IGSF5: variants seen among roughly 807,000 people sequenced by gnomAD.
IGSF5 encodes immunoglobulin superfamily 5 like.
IGSF5 carries 41 observed loss-of-function variants against 39.4 expected under a neutral mutation model. That is an observed-to-expected ratio of 1.04 (90% CI 0.81 to 1.35). The LOEUF (loss-of-function observed/expected upper bound fraction) is 1.35, where lower values mean the gene tolerates loss of function less well. IGSF5 is among the 40% of genes most tolerant of loss of function. The probability of loss-of-function intolerance (pLI) is 0.00; values close to 1 mark genes in which losing one functional copy is unlikely to be tolerated. For synonymous variants in IGSF5, 183 were observed against 175.3 expected (o/e 1.04, Z -0.34); for missense variants, 487 against 494.6 (o/e 0.98, Z 0.15).
In IGSF5 at chr21:39,765,400, A is replaced by C. The variant is rs112011965; in HGVS notation, c.101-135A>C. ...TCTGCCAGGGAGAGCTGGTGTTCGG[A>C]TTCAAAAGACACAGTCTGAGTCACT... On this transcript the variant is annotated intron_variant, in intron 2 of 8. Transcript: ENST00000380588. The C allele has an allele frequency of 3.8e-4, 281 of 740,464 alleles. No individual in the cohort carries two copies. In the African/African-American group the frequency reaches 4.1e-3, roughly 11 times the overall value. 45.9% of individuals were successfully genotyped at this position (740,464 alleles called of 1,614,324 possible). A position where few individuals can be genotyped will look rare whatever the true frequency, so the allele number is the denominator to read the frequency against.
intron 7 of IGSF5, among the ~76,000 whole-genome samples, chr21:39,792,664 C>T (rs2086972315): frequency 2.0e-5 from 3 of 152,074 alleles, no homozygotes; most frequent in African/African-American, 7.2e-5. Context: ...GATCTCTTCC[C>T]CTTGAATGTA....
chr21:39,738,044 T>C, the IGSF5 span, among the ~76,000 whole-genome samples: 1 of 152,172 alleles, frequency 6.6e-6, no homozygotes, highest in African/African-American at 2.4e-5. The surrounding 1 kb of genome is among the most constrained non-coding windows in gnomAD (Gnocchi z 6.4). Context: ...TGTGTATATA[T>C]CTATGTCATC....
At chr21:39,731,907 A>G in the IGSF5 span, among the ~76,000 whole-genome samples, 1 of 152,232 alleles carries the variant, frequency 6.6e-6, no homozygotes, top group Admixed American at 6.5e-5. Flanking sequence ...AAACTAATAG[A>G]GTGACACTGT....
the IGSF5 span, among the ~76,000 whole-genome samples, chr21:39,739,081 C>G: frequency 6.6e-6 from 1 of 151,786 alleles, no homozygotes. Flanking sequence ...TGGAGACTGC[C>G]GCCACGCCTG....
chr21:39,720,604 T>C, the IGSF5 span, among the ~76,000 whole-genome samples: 1 of 152,188 alleles, frequency 6.6e-6, no homozygotes, highest in Non-Finnish European at 1.5e-5. Flanking sequence ...CCAGAGAAGT[T>C]ACAGCCAAGT....
the IGSF5 span, among the ~76,000 whole-genome samples, chr21:39,731,847 G>A: frequency 6.6e-6 from 1 of 152,174 alleles, no homozygotes; most frequent in Non-Finnish European, 1.5e-5. Context: ...TAATAAATAG[G>A]TATAGTTTTA....
Position 39,779,708 on chromosome 21 carries a change from A to T in IGSF5, c.934+403A>T, listed in dbSNP as rs188477826. On this transcript the variant is annotated intron_variant, in intron 5 of 8. Coordinates refer to ENST00000380588, the MANE Select transcript of IGSF5 (RefSeq NM_001080444.2). ...ATGTGGTATATAGACACAATGGAAC[A>T]CTAGACAGCCTTCAAAAAGAAGAAA... 1.4e-4 allele frequency among the ~76,000 whole-genome samples: 21 copies of T among 152,372 alleles called. No individual in the cohort carries two copies. In the East Asian group the frequency reaches 3.1e-3, roughly 22 times the overall value.
the IGSF5 span, among the ~76,000 whole-genome samples, chr21:39,716,463 C>G: frequency 2.6e-5 from 4 of 151,992 alleles, no homozygotes; most frequent in African/African-American, 4.8e-5. Flanking sequence ...AGCCCAGTAC[C>G]CAATAGTTAT....
chr21:39,789,183 T>TG (rs11406327), intron 6 of IGSF5, among the ~76,000 whole-genome samples: 39,512 of 152,134 alleles, frequency 0.26, 6,532 homozygotes, highest in East Asian at 0.47. Context: ...TCACCATTGT[T>TG]GACTGTGCCA....
chr21:39,794,965 A>G (rs557541670), intron 8 of IGSF5, among the ~76,000 whole-genome samples: 2 of 152,182 alleles, frequency 1.3e-5, no homozygotes, highest in South Asian at 2.1e-4. Context: ...GGGGGAAGGG[A>G]GTGCTGATTG....
chr21:39,728,059 C>T, the IGSF5 span: 1 of 152,160 alleles, frequency 6.6e-6, no homozygotes, highest in Non-Finnish European at 1.5e-5. Flanking sequence ...GTGCCCTTCT[C>T]AGTATGTCTA....
intron 6 of IGSF5, among the ~76,000 whole-genome samples, chr21:39,790,549 T>C (rs891736887): frequency 4.6e-5 from 7 of 152,090 alleles, no homozygotes; most frequent in Non-Finnish European, 1.0e-4. Context: ...TCCCAGATAC[T>C]CAGGAGGCTG....
the IGSF5 span, among the ~76,000 whole-genome samples, chr21:39,733,137 G>A: frequency 6.6e-6 from 1 of 152,098 alleles, no homozygotes; most frequent in South Asian, 2.1e-4. Flanking sequence ...AACCCTCTAT[G>A]CATACATAAA....
chr21:39,763,183 G>A (rs2080069593), intron 2 of IGSF5, among the ~76,000 whole-genome samples: 1 of 152,136 alleles, frequency 6.6e-6, no homozygotes, highest in Non-Finnish European at 1.5e-5. Context: ...GGTTTACTTA[G>A]GGTTTGTTCT....
chr21:39,756,321 A>G (rs1422193506), intron 2 of IGSF5, among the ~76,000 whole-genome samples: 1 of 152,206 alleles, frequency 6.6e-6, no homozygotes, highest in East Asian at 1.9e-4. Context: ...TGTGGGTTTC[A>G]TTCAGTAACT....
rs544034063 is a variant in IGSF5 at position 39,749,369 on chromosome 21, C to T, written c.100+3071C>T. 6.6e-5 allele frequency among the ~76,000 whole-genome samples: 10 copies of T among 152,290 alleles called. 1 individual carries two copies. The highest frequency in any genetic ancestry group is 9.6e-5 in the African/African-American group (4 of 41,560). The stretch of plus-strand genomic sequence containing the variant: ...CTGGAATTACAGGTCCACATCACCA[C>T]GCCCGGCTAATTATTGTATTTTTAG... On this transcript the variant is annotated intron_variant, in intron 2 of 8. Transcript: ENST00000380588.
chr21:39,793,711 C>T, intron 8 of IGSF5, 98 bp downstream of exon 8: 1 of 950,462 alleles, frequency 1.1e-6, no homozygotes, highest in South Asian at 1.5e-5. Flanking sequence ...GTTGTGTATT[C>T]ATGATGGTGG....
chr21:39,773,832 A>G (rs1002003785), intron 4 of IGSF5, among the ~76,000 whole-genome samples: 1 of 152,232 alleles, frequency 6.6e-6, no homozygotes, highest in African/African-American at 2.4e-5. Flanking sequence ...AATAAAATGG[A>G]CTGGTTAAAG....
At chr21:39,790,895 G>A (rs142914500) in intron 6 of IGSF5, among the ~76,000 whole-genome samples, 32 of 152,262 alleles carry the variant, frequency 2.1e-4, no homozygotes, top group African/African-American at 7.5e-4. Flanking sequence ...ACAACTATTT[G>A]CATAGCATTT....
Sources: gnomAD v4.1 joint callset for allele counts (sites outside exome capture counted in the v4.1 genomes callset) on GRCh38, gnomAD v4.1.1 for gene constraint, Gnocchi (gnomAD v3.1) non-coding constraint, MANE v1.5 for transcripts, NCBI Gene and HGNC (gene_info 2026-07-23, HGNC 2026-07-21) for gene names.